Variants in CPT1A observed in about 807,000 individuals in gnomAD.
The protein encoded by CPT1A is carnitine O-palmitoyltransferase 1, liver isoform.
A neutral mutation model predicts 100.8 loss-of-function variants in CPT1A; 64 were observed. The observed-to-expected ratio is 0.63, with a 90% CI of 0.52 to 0.78. The LOEUF (loss-of-function observed/expected upper bound fraction) is 0.78. Ranked by LOEUF, CPT1A falls within the 30% of genes least tolerant of loss-of-function variation. The probability of loss-of-function intolerance (pLI) is 0.00; values close to 1 mark genes in which losing one functional copy is unlikely to be tolerated. For synonymous variants in CPT1A, 363 were observed against 396.0 expected, an observed-to-expected ratio of 0.92 and a Z score of 0.99; for missense variants, 802 against 1,034.1, an observed-to-expected ratio of 0.78 and a Z score of 3.08.
intron 1 of CPT1A, among the ~76,000 whole-genome samples, chr11:68,838,277 G>A (rs1263075873): frequency 6.6e-6 from 1 of 151,920 alleles, no homozygotes; most frequent in African/African-American, 2.4e-5. Context: ...CAAAAAAAAG[G>A]CAAAGGCAGA....
chr11:68,775,457 T>A, intron 12 of CPT1A, 25 bp from the exon 13 acceptor site: 2 of 1,532,966 alleles, frequency 1.3e-6, no homozygotes, highest in Non-Finnish European at 1.8e-6. Context: ...ACAAAATTAT[T>A]AAAACTAACA....
chr11:68,778,194 G>T (rs2153997439), intron 12 of CPT1A, among the ~76,000 whole-genome samples: 1 of 152,128 alleles, frequency 6.6e-6, no homozygotes, highest in South Asian at 2.1e-4. Flanking sequence ...AATTAAAAGA[G>T]GTAGAGGAAG....
intron 1 of CPT1A, among the ~76,000 whole-genome samples, chr11:68,834,622 T>C (rs1364420292): frequency 6.6e-6 from 1 of 152,018 alleles, no homozygotes; most frequent in Non-Finnish European, 1.5e-5. Flanking sequence ...GTGTGGGTAG[T>C]GCATGCCTGT....
At chr11:68,796,370 A>G (rs933680861) in intron 7 of CPT1A, among the ~76,000 whole-genome samples, 1 of 152,136 alleles carries the variant, frequency 6.6e-6, no homozygotes, top group Admixed American at 6.6e-5. Context: ...CAGCCTGGAT[A>G]ACATGGTCAA....
chr11:68,802,365 A>G (rs1855925584), intron 5 of CPT1A, among the ~76,000 whole-genome samples: 1 of 151,780 alleles, frequency 6.6e-6, no homozygotes, highest in Non-Finnish European at 1.5e-5. Flanking sequence ...AGACCGAAGC[A>G]GGTAGATCAC....
intron 14 of CPT1A, among the ~76,000 whole-genome samples, chr11:68,772,884 C>A (rs1212194387): frequency 2.0e-5 from 3 of 152,080 alleles, no homozygotes; most frequent in African/African-American, 7.2e-5. Context: ...ATTTACCGAG[C>A]GCCAGACGAA....
At chr11:68,779,546 A>G (rs1232537531) in intron 12 of CPT1A, among the ~76,000 whole-genome samples, 1 of 144,084 alleles carries the variant, frequency 6.9e-6, no homozygotes, top group East Asian at 2.2e-4. Flanking sequence ...CTGTAATCCC[A>G]GCACTTTGGG....
chr11:68,780,734 T>C lies in CPT1A; in HGVS notation c.1364A>G (p.Lys455Arg). The change falls in exon 12 of 19, where the codon AAG (lysine) becomes AGG (arginine). Residue 455 changes from lysine (K) to arginine (R), a missense_variant. Coordinates refer to ENST00000265641, the MANE Select transcript of CPT1A (RefSeq NM_001876.4). ...HGRCYDRWFD[K>R]SFTFVVFKNG... is the part of the protein sequence containing the mutation. ...TTTGAAGACAACAAACGTGAACGAC[T>C]TGTCAAACCACCTACGTGAAACACA... 1 of 1,614,124 alleles carries C rather than the reference T, an allele frequency of 6.2e-7. No homozygotes were observed. The highest frequency in any genetic ancestry group is 8.5e-7 in the Non-Finnish European group (1 of 1,179,932).
chr11:68,778,450 G>A (rs142644483), intron 12 of CPT1A, among the ~76,000 whole-genome samples: 86 of 152,200 alleles, frequency 5.7e-4, no homozygotes, highest in Admixed American at 2.5e-3. Context: ...AAAAAGAAAC[G>A]TCAAGGCCAG....
chr11:68,777,807 A>G (rs1855180218), intron 12 of CPT1A, among the ~76,000 whole-genome samples: 1 of 152,186 alleles, frequency 6.6e-6, no homozygotes, highest in African/African-American at 2.4e-5. Context: ...AACAGCTCTT[A>G]GGCATATAGG....
rs1856042908 is a variant in CPT1A, at chr11:68,806,256, T to C, written c.453+1211A>G. 2.6e-5 allele frequency among the ~76,000 whole-genome samples: 4 copies of C among 152,114 alleles called. No homozygotes were observed. The South Asian group carries it at 6.2e-4, about 24-fold the overall frequency. ...GTTCCCCAGGCTGGTCTCAAACTCC[T>C]GAGCTCAGGTGGTTCACTGGGCTTG... On this transcript the variant is annotated intron_variant, in intron 4 of 18. Transcript: ENST00000265641.
intron 10 of CPT1A, among the ~76,000 whole-genome samples, chr11:68,782,923 G>A (rs2924682): frequency 0.084 from 12,856 of 152,156 alleles, 796 homozygotes; most frequent in African/African-American, 0.16. Flanking sequence ...AGGGGGCATC[G>A]GGACCGAGGC....
At chr11:68,778,399 T>C (rs1855198624) in intron 12 of CPT1A, among the ~76,000 whole-genome samples, 1 of 152,120 alleles carries the variant, frequency 6.6e-6, no homozygotes, top group Non-Finnish European at 1.5e-5. Context: ...CACCAGAATT[T>C]GTTTATCTCT....
At chr11:68,803,220 A>C (rs1855952665) in intron 5 of CPT1A, among the ~76,000 whole-genome samples, 1 of 152,256 alleles carries the variant, frequency 6.6e-6, no homozygotes, top group Non-Finnish European at 1.5e-5. Flanking sequence ...TATGTGTATG[A>C]ACTTTGAAGA....
chr11:68,779,634 A>AAAAATAC (rs1289305387), intron 12 of CPT1A, among the ~76,000 whole-genome samples: 1 of 151,936 alleles, frequency 6.6e-6, no homozygotes, highest in Non-Finnish European at 1.5e-5. Context: ...TGTTTCTACA[A>AAAAATAC]AAAATACAAA....
chr11:68,785,882 G>A lies in CPT1A; in HGVS notation c.968-872C>T, dbSNP rs940163226. 11 of 556,830 alleles carry A rather than the reference G, an allele frequency of 2.0e-5. No individual in the cohort carries two copies. In the Middle Eastern group the frequency reaches 7.9e-4, roughly 40 times the overall value. The allele number at this position is 556,830 out of a possible 1,614,324, so 34.5% of individuals were successfully genotyped here. On this transcript the variant is annotated intron_variant, in intron 9 of 18. Transcript: ENST00000265641. The stretch of plus-strand genomic sequence containing the variant: ...GAAAATTACGAAACCAAGCCATTCC[G>A]TAAAAACTACTAAAACAGAGTAATT...
At chr11:68,773,174 G>T in intron 14 of CPT1A, 91 bp downstream of exon 14, 1 of 1,588,524 alleles carries the variant, frequency 6.3e-7, no homozygotes. Context: ...GCCGGGTTTC[G>T]GGCCTTCCCT....
chr11:68,812,576 T>A lies in CPT1A; in HGVS notation c.142A>T (p.Asn48Tyr), dbSNP rs1460421622. Reference protein sequence around the residue: ...SWKKKFIRFKNGIITGVYPAS... With the variant: ...SWKKKFIRFKYGIITGVYPAS... ...GGGTACACGCCAGTGATGATGCCGT[T>A]CTAAAGACAGACACCCGGGCCGTGA... Residue 48 changes from asparagine to tyrosine, a missense_variant and splice_region_variant, in exon 3 of 19, where the codon AAC (asparagine) becomes TAC (tyrosine). Physicochemically the swap from Asn to Tyr is moderately radical, Grantham distance 143. Around this residue, in one of 4 missense-constraint regions of CPT1A, gnomAD observed 161 missense variants for 183.7 expected, o/e 0.88. Transcript: ENST00000265641. 6.2e-7 allele frequency: 1 copy of A among 1,614,012 alleles called. No individual in the cohort carries two copies. The highest frequency in any genetic ancestry group is 1.1e-5 in the South Asian group (1 of 91,076).
At position 68,807,875 on chromosome 11, in the gene CPT1A, G is replaced by A. The variant is rs11822212; in HGVS notation, c.282-237C>T. On this transcript the variant is annotated intron_variant, in intron 3 of 18. Transcript: ENST00000265641. ...AAGTAGCTGGCAGACCCAGGCGCCC[G>A]GGGCGGGCCTGTTTGCTCTCTTCCC... 5.3e-3 allele frequency among the ~76,000 whole-genome samples: 806 copies of A among 152,352 alleles called. 9 individuals carry two copies. The highest frequency in any genetic ancestry group is 0.018 in the African/African-American group (744 of 41,584).
Sources: allele counts gnomAD v4.1 joint callset (sites outside exome capture counted in the v4.1 genomes callset), GRCh38; gene constraint gnomAD v4.1.1; regional missense constraint gnomAD v4.1.1; transcripts MANE v1.5; gene names NCBI Gene and HGNC (gene_info 2026-07-23, HGNC 2026-07-21).